The following MAP4K4 variants were observed in gnomAD, a reference collection of about 807,000 sequenced individuals.
MAP4K4 encodes the protein HPK/GCK-like kinase HGK.
MAP4K4 carries 38 observed loss-of-function variants against 189.6 expected under a neutral mutation model. That is an observed-to-expected ratio of 0.20 (90% confidence interval 0.15 to 0.26). MAP4K4 has a LOEUF of 0.26. Ranked by LOEUF, MAP4K4 falls within the 10% of genes least tolerant of loss-of-function variation. The pLI, the probability that MAP4K4 is intolerant of heterozygous loss-of-function variation, is 1.00. For missense variants in MAP4K4, 1,054 were observed against 1,726.9 expected (o/e 0.61, Z 6.91); for synonymous variants, 610 against 624.3 (o/e 0.98, Z 0.34).
At chr2:101,826,691 A>G (rs2096374742) in intron 5 of MAP4K4, among the ~76,000 whole-genome samples, 1 of 152,136 alleles carries the variant, frequency 6.6e-6, no homozygotes, top group Non-Finnish European at 1.5e-5. Flanking sequence ...TTTGAGTCCT[A>G]CCTCTGCTGC....
intron 2 of MAP4K4, among the ~76,000 whole-genome samples, chr2:101,730,374 C>T (rs957554862): frequency 6.6e-6 from 1 of 152,148 alleles, no homozygotes; most frequent in Non-Finnish European, 1.5e-5. Context: ...TTCTGTCTTG[C>T]CCCGCTCTCC....
intron 2 of MAP4K4, among the ~76,000 whole-genome samples, chr2:101,759,441 T>C (rs979353147): frequency 6.7e-6 from 1 of 149,888 alleles, no homozygotes; most frequent in Non-Finnish European, 1.5e-5. Context: ...CTTTCCCTTT[T>C]CTTTTCCCTT....
At chr2:101,844,844 G>A (rs984706019) in intron 12 of MAP4K4, among the ~76,000 whole-genome samples, 3 of 151,926 alleles carry the variant, frequency 2.0e-5, no homozygotes, top group Non-Finnish European at 2.9e-5. Flanking sequence ...CCTAGGTGAC[G>A]GGTTGACAGG....
intron 2 of MAP4K4, among the ~76,000 whole-genome samples, chr2:101,741,668 A>G (rs1162712244): frequency 6.6e-6 from 1 of 152,066 alleles, no homozygotes; most frequent in Non-Finnish European, 1.5e-5. Context: ...TGAAGTTTTC[A>G]ATTTTCATGA....
At chr2:101,843,765 A>G (rs2096995975) in intron 11 of MAP4K4, among the ~76,000 whole-genome samples, 2 of 151,644 alleles carry the variant, frequency 1.3e-5, no homozygotes, top group South Asian at 2.1e-4. Context: ...TTTGCTGAAG[A>G]AAAAAAAAGT....
intron 6 of MAP4K4, chr2:101,829,830 T>C (rs944141940): frequency 3.0e-5 from 12 of 405,368 alleles, no homozygotes; most frequent in Non-Finnish European, 5.0e-5. Context: ...GATCTTCAAA[T>C]CAGACCATGC....
chr2:101,801,109 CT>C (rs1337196635), intron 3 of MAP4K4, among the ~76,000 whole-genome samples: 4 of 152,272 alleles, frequency 2.6e-5, no homozygotes, highest in African/African-American at 9.6e-5. Context: ...TTCTGCTTTC[CT>C]CCTCTTTCTT....
intron 2 of MAP4K4, among the ~76,000 whole-genome samples, chr2:101,735,576 G>T (rs1252018930): frequency 1.3e-5 from 2 of 152,148 alleles, no homozygotes; most frequent in Non-Finnish European, 2.9e-5. Flanking sequence ...TTTGTTGGGT[G>T]GCCAAGGTCA....
At chr2:101,794,671 A>G (rs888163447) in intron 3 of MAP4K4, among the ~76,000 whole-genome samples, 7 of 152,190 alleles carry the variant, frequency 4.6e-5, no homozygotes, top group South Asian at 2.1e-4. Flanking sequence ...TTCAGCCTAC[A>G]TTCATATATC....
At chr2:101,803,209 A>G (rs2094534094) in intron 3 of MAP4K4, among the ~76,000 whole-genome samples, 1 of 151,224 alleles carries the variant, frequency 6.6e-6, no homozygotes, top group African/African-American at 2.4e-5. Context: ...CCAAAACTCA[A>G]GTTAAGTTAC....
intron 26 of MAP4K4, among the ~76,000 whole-genome samples, chr2:101,875,206 G>T (rs1159094494): frequency 1.3e-5 from 2 of 152,154 alleles, no homozygotes; most frequent in African/African-American, 4.8e-5. Flanking sequence ...CTAGATATAT[G>T]CAGGGAAACC....
At chr2:101,706,474 C>G (rs1429159729) in intron 2 of MAP4K4, among the ~76,000 whole-genome samples, 2 of 152,158 alleles carry the variant, frequency 1.3e-5, no homozygotes, top group African/African-American at 2.4e-5. Flanking sequence ...GCCCCCACAT[C>G]GCTTTTAGTT....
intron 2 of MAP4K4, among the ~76,000 whole-genome samples, chr2:101,781,705 C>CT (rs2087592708): frequency 6.6e-6 from 1 of 152,170 alleles, no homozygotes; most frequent in Non-Finnish European, 1.5e-5. Flanking sequence ...GTTTTCAACA[C>CT]GTGAACTTTG....
At chr2:101,772,735 G>A (rs1269949294) in intron 2 of MAP4K4, among the ~76,000 whole-genome samples, 2 of 152,182 alleles carry the variant, frequency 1.3e-5, no homozygotes, top group East Asian at 3.8e-4. Flanking sequence ...ATAAAGAATT[G>A]CTTAGGTGTT....
In MAP4K4 at chr2:101,887,043, AAT is replaced by A. The variant is rs1553597358; in HGVS notation, c.3622-44_3622-43del. ...CCGTCTCAAAAAAAAAAAAAAAAAA[AAT>A]GTTCTCCTTCATCTTCTCACTTCTC... On this transcript the variant is annotated intron_variant, in intron 29 of 32. Transcript: ENST00000324219. 306 of 1,279,794 alleles carry A rather than the reference AAT, an allele frequency of 2.4e-4. 4 individuals carry two copies. In the African/African-American group the frequency reaches 4.0e-3, roughly 17 times the overall value. The allele number at this position is 1,279,794 out of a possible 1,614,324, so 79.3% of individuals were successfully genotyped here. A position where few individuals can be genotyped will look rare whatever the true frequency, so the allele number is the denominator to read the frequency against.
intron 2 of MAP4K4, among the ~76,000 whole-genome samples, chr2:101,700,214 CCA>C (rs1253538010): frequency 6.6e-6 from 1 of 152,132 alleles, no homozygotes; most frequent in Non-Finnish European, 1.5e-5. Flanking sequence ...GAATGAAACC[CCA>C]GTTTGTCTTT....
At chr2:101,866,404 T>C (rs1473986126) in intron 18 of MAP4K4, 24 bp from the exon 19 acceptor site, 2 of 1,597,056 alleles carry the variant, frequency 1.3e-6, no homozygotes, top group Admixed American at 1.7e-5. Flanking sequence ...ACATTAGCTG[T>C]TCTCTCTTCT....
At chr2:101,823,881 T>C in intron 3 of MAP4K4, 47 bp from the exon 4 acceptor site, 1 of 1,526,570 alleles carries the variant, frequency 6.6e-7, no homozygotes, top group Non-Finnish European at 8.8e-7. Context: ...AGTAAAGTCA[T>C]TCACATCGTT....
intron 3 of MAP4K4, among the ~76,000 whole-genome samples, chr2:101,815,469 CTG>C (rs1273842113): frequency 6.6e-6 from 1 of 152,018 alleles, no homozygotes; most frequent in Non-Finnish European, 1.5e-5. Context: ...TTTTTTAAAT[CTG>C]TGAATTCTGT....
Sources: gnomAD v4.1 joint callset for allele counts (sites outside exome capture counted in the v4.1 genomes callset) on GRCh38, gnomAD v4.1.1 for gene constraint, MANE v1.5 for transcripts, NCBI Gene and HGNC (gene_info 2026-07-23, HGNC 2026-07-21) for gene names.